Variants in ZNF236 observed in about 807,000 individuals in gnomAD.
The protein encoded by ZNF236 is regulated by glucose.
In ZNF236, 50 loss-of-function variants were observed where a neutral mutation model predicts 191.2. That is an observed-to-expected ratio of 0.26 (90% CI 0.21 to 0.33). The LOEUF (loss-of-function observed/expected upper bound fraction) is 0.33, where lower values mean the gene tolerates loss of function less well. Ranked by LOEUF, ZNF236 falls within the 10% of genes least tolerant of loss-of-function variation. The pLI, the probability that ZNF236 is intolerant of heterozygous loss-of-function variation, is 1.00. For synonymous variants in ZNF236, 907 were observed against 928.8 expected (o/e 0.98, Z 0.43); for missense variants, 1,754 against 2,374.5 (o/e 0.74, Z 5.43).
Position 76,880,218 on chromosome 18 carries a change from C to T in ZNF236, c.1090C>T (p.Leu364=), listed in dbSNP as rs76346356. 1,428 of 1,614,158 alleles carry T rather than the reference C, an allele frequency of 8.8e-4. 12 individuals carry two copies. The African/African-American group carries it at 0.017, about 19-fold the overall frequency. ...QAVSDVIQQL[L]ELSEPAPVES... is the part of the protein sequence containing the mutation. ...GGTGAGCGACGTCATCCAGCAGCTC[C>T]TGGAGCTCTCAGAGCCGGCGCCGGT... The change falls in exon 8 of 31, where the codon CTG becomes TTG. Residue 364 remains leucine (L), a synonymous_variant. Transcript: ENST00000320610. This position sits in a 1 kb window ranked among gnomAD's most constrained non-coding sequence, Gnocchi z 5.0.
At chr18:76,833,238 ACGGTGAATAAATG>A (rs1466565352) in intron 1 of ZNF236, among the ~76,000 whole-genome samples, 2 of 152,074 alleles carry the variant, frequency 1.3e-5, no homozygotes, top group Admixed American at 6.5e-5. Context: ...CTCTTCTATA[ACGGTGAATAAATG>A]CGGTGAATAA....
rs71172383 is a variant in ZNF236, at chr18:76,843,803, A to AAAAAAAAAAAAAAAAAAAAAAAAAAG, written c.56-5721_56-5720insAAAAAAAAAAAAAAAAAAAAAAAGAA. Among the ~76,000 whole-genome samples the AAAAAAAAAAAAAAAAAAAAAAAAAAG allele has an allele frequency of 1.6e-3, 97 of 62,088 alleles. 37 individuals carry two copies. Among genetic ancestry groups the AAAAAAAAAAAAAAAAAAAAAAAAAAG allele is most frequent in the Non-Finnish European group, 2.1e-3 (76 of 35,428 alleles). The allele number at this position is 62,088 out of a possible 152,430, so 40.7% of individuals were successfully genotyped here. A position where few individuals can be genotyped will look rare whatever the true frequency, so the allele number is the denominator to read the frequency against. On this transcript the variant is annotated intron_variant, in intron 1 of 30. Coordinates refer to ENST00000320610, the MANE Select transcript of ZNF236 (RefSeq NM_001306089.2). ...AAAAAAAAAAAAAAAAAAAAAAAAA[A>AAAAAAAAAAAAAAAAAAAAAAAAAAG]AAGTAAAGAAGAGACCGGGCGCAGT...
intron 1 of ZNF236, among the ~76,000 whole-genome samples, chr18:76,841,350 G>A (rs1447876812): frequency 6.6e-6 from 1 of 152,242 alleles, no homozygotes; most frequent in Non-Finnish European, 1.5e-5. Flanking sequence ...TGGATTACAG[G>A]CGTGAGCCTC....
chr18:76,955,564 A>G (rs2122947387), intron 27 of ZNF236, among the ~76,000 whole-genome samples: 1 of 152,362 alleles, frequency 6.6e-6, no homozygotes, highest in East Asian at 1.9e-4. Flanking sequence ...TTTTGTTGTT[A>G]CGAATTGTTT....
chr18:76,920,793 C>T (rs1022450500), intron 20 of ZNF236, among the ~76,000 whole-genome samples: 1 of 152,040 alleles, frequency 6.6e-6, no homozygotes, highest in South Asian at 2.1e-4. Flanking sequence ...ACAGCAGTGG[C>T]TGATACATGA....
At chr18:76,823,558 G>C (rs192338421) in intron 1 of ZNF236, among the ~76,000 whole-genome samples, 1 of 152,218 alleles carries the variant, frequency 6.6e-6, no homozygotes, top group Non-Finnish European at 1.5e-5. Flanking sequence ...TAGGCGTCAG[G>C]AAGTGTTTTC....
chr18:76,964,249 A>G (rs999941647), intron 30 of ZNF236, among the ~76,000 whole-genome samples: 6 of 152,146 alleles, frequency 3.9e-5, no homozygotes, highest in East Asian at 1.9e-4. Flanking sequence ...AGAGGTTATG[A>G]TAGGTTATGT....
At chr18:76,826,027 TG>T (rs777002451) in intron 1 of ZNF236, among the ~76,000 whole-genome samples, 9 of 152,230 alleles carry the variant, frequency 5.9e-5, no homozygotes, top group Non-Finnish European at 1.3e-4. Flanking sequence ...TTTTCTTTGT[TG>T]CCCTATTATG....
intron 3 of ZNF236, among the ~76,000 whole-genome samples, chr18:76,863,832 C>G (rs1209224929): frequency 6.6e-6 from 1 of 152,138 alleles, no homozygotes; most frequent in South Asian, 2.1e-4. Context: ...CTTAAAGAAT[C>G]ACTGAAAGAT....
chr18:76,923,033 G>A (rs778789191), intron 20 of ZNF236, 38 bp from the exon 21 acceptor site: 19 of 1,432,252 alleles, frequency 1.3e-5, no homozygotes, highest in Middle Eastern at 1.7e-4. Context: ...TCATGAAGTC[G>A]TTTGTCAATA....
intron 17 of ZNF236, 77 bp from the exon 18 acceptor site, chr18:76,913,670 T>C: frequency 1.3e-6 from 2 of 1,508,932 alleles, no homozygotes; most frequent in Non-Finnish European, 9.1e-7. Flanking sequence ...TGTTTGCTTT[T>C]CTTCCCTTTT....
chr18:76,849,461 T>C, intron 1 of ZNF236, 65 bp from the exon 2 acceptor site: 1 of 1,350,068 alleles, frequency 7.4e-7, no homozygotes, highest in Non-Finnish European at 9.9e-7. Context: ...ACCAATAATT[T>C]GGTTTTATTT....
intron 1 of ZNF236, among the ~76,000 whole-genome samples, chr18:76,846,172 A>G (rs1475855880): frequency 3.3e-5 from 5 of 152,164 alleles, no homozygotes; most frequent in Non-Finnish European, 7.3e-5. Flanking sequence ...GACTGGTCTC[A>G]AACTACTGGC....
intron 1 of ZNF236, among the ~76,000 whole-genome samples, chr18:76,837,143 C>CCCCG (rs1975358526): frequency 1.6e-5 from 2 of 125,864 alleles, no homozygotes; most frequent in African/African-American, 5.7e-5. Flanking sequence ...CCCCCCCGCC[C>CCCCG]CGCAAGCCTC....
At chr18:76,940,527 A>G (rs531991344) in intron 26 of ZNF236, among the ~76,000 whole-genome samples, 1 of 152,346 alleles carries the variant, frequency 6.6e-6, no homozygotes, top group East Asian at 1.9e-4. Context: ...AAAATTATTT[A>G]AAATATAAAT....
chr18:76,872,659 C>CT (rs1568205940), intron 5 of ZNF236, among the ~76,000 whole-genome samples: 1 of 152,160 alleles, frequency 6.6e-6, no homozygotes, highest in East Asian at 1.9e-4. Flanking sequence ...GCTGAATACT[C>CT]TTTGCCATCT....
intron 9 of ZNF236, among the ~76,000 whole-genome samples, chr18:76,892,362 T>G (rs1043276608): frequency 2.0e-5 from 3 of 151,866 alleles, no homozygotes; most frequent in Non-Finnish European, 4.4e-5. Flanking sequence ...TATCTCTAGA[T>G]CACAATAAAT....
At chr18:76,862,903 A>G (rs1434507881) in intron 3 of ZNF236, among the ~76,000 whole-genome samples, 1 of 152,260 alleles carries the variant, frequency 6.6e-6, no homozygotes, top group Non-Finnish European at 1.5e-5. Flanking sequence ...CGGTATCAAT[A>G]TGAAGAGAGC....
intron 11 of ZNF236, among the ~76,000 whole-genome samples, chr18:76,903,461 G>A (rs535617317): frequency 1.2e-4 from 18 of 152,250 alleles, no homozygotes; most frequent in Non-Finnish European, 2.2e-4. Context: ...TGGAAAGTCC[G>A]GAAAAACAGA....
Sources: allele counts gnomAD v4.1 joint callset (sites outside exome capture counted in the v4.1 genomes callset), GRCh38; gene constraint gnomAD v4.1.1; non-coding constraint Gnocchi (gnomAD v3.1); transcripts MANE v1.5; gene names NCBI Gene and HGNC (gene_info 2026-07-23, HGNC 2026-07-21).